PHF21B: variants seen among roughly 807,000 people sequenced by gnomAD.
The protein encoded by PHF21B is PHD finger protein 21B, also known as PHD finger protein 4.
A neutral mutation model predicts 62.2 loss-of-function variants in PHF21B; 22 were observed. The observed-to-expected ratio is 0.35, with a 90% CI of 0.25 to 0.51. The LOEUF (loss-of-function observed/expected upper bound fraction) is 0.51, where lower values mean the gene tolerates loss of function less well. PHF21B is among the 20% of genes least tolerant of loss of function. The pLI, the probability that PHF21B is intolerant of heterozygous loss-of-function variation, is 0.97. For synonymous variants in PHF21B, 341 were observed against 314.7 expected (o/e 1.08, Z -0.88); for missense variants, 701 against 707.9 (o/e 0.99, Z 0.11).
intron 2 of PHF21B, among the ~76,000 whole-genome samples, chr22:44,949,783 A>C (rs2072156489): frequency 6.6e-6 from 1 of 152,232 alleles, no homozygotes; most frequent in Non-Finnish European, 1.5e-5. Context: ...CGTGAGTTAA[A>C]GGCATGCACT....
intron 2 of PHF21B, among the ~76,000 whole-genome samples, chr22:44,944,163 G>T (rs112021664): frequency 2.6e-5 from 4 of 152,346 alleles, no homozygotes; most frequent in African/African-American, 9.6e-5. Flanking sequence ...TGTGCGCCCA[G>T]CATCCAGTGG....
rs1491516812 is a variant in PHF21B, at chr22:44,936,885, TTC to T, written c.121-16397_121-16396del. ...CACTTTCTTTCTTTTTTTTTTTTTT[TTC>T]CTGAGATGGAGTTTCACTCTTATTG... On this transcript the variant is annotated intron_variant, in intron 2 of 12. Coordinates refer to ENST00000313237, the MANE Select transcript of PHF21B (RefSeq NM_138415.5). Among the ~76,000 whole-genome samples, 56 of 149,290 alleles carry T rather than the reference TTC, an allele frequency of 3.8e-4. 1 individual carries two copies. Among genetic ancestry groups the T allele is most frequent in the Middle Eastern group, 3.4e-3 (1 of 294 alleles).
intron 2 of PHF21B, among the ~76,000 whole-genome samples, chr22:44,984,341 CT>C (rs559499853): frequency 2.8e-3 from 430 of 151,664 alleles, no homozygotes; most frequent in Non-Finnish European, 4.6e-3. Context: ...GAAGCATGAC[CT>C]TCACATCTTT....
intron 2 of PHF21B, among the ~76,000 whole-genome samples, chr22:44,924,180 C>T (rs146012581): frequency 0.021 from 3,246 of 152,032 alleles, 53 homozygotes; most frequent in Middle Eastern, 0.051. Context: ...TAAAAAATTA[C>T]TAAACATAAT....
intron 4 of PHF21B, 79 bp downstream of exon 4, chr22:44,916,201 T>C (rs1386489491): frequency 1.5e-6 from 2 of 1,361,694 alleles, no homozygotes; most frequent in Non-Finnish European, 2.0e-6. Flanking sequence ...CTTGTTCATT[T>C]GGCCCTTCCC....
chr22:44,959,003 G>C (rs968686829), intron 2 of PHF21B, among the ~76,000 whole-genome samples: 1 of 151,792 alleles, frequency 6.6e-6, no homozygotes, highest in African/African-American at 2.4e-5. Context: ...TTCCATGGCC[G>C]GCCCCGCTGG....
chr22:45,009,498 G>T lies in PHF21B; in HGVS notation c.52C>A (p.Gln18Lys). Reference sequence around the variant, plus strand: ...GGGCCCGGCCCCCGGCCACCTACCTGGTGGCGCGCGAGTTCCACGGCGAGC... The same window carrying T: ...GGGCCCGGCCCCCGGCCACCTACCTTGTGGCGCGCGAGTTCCACGGCGAGC... ...EALAVELARH[Q>K]NGDLKKQLHE... Residue 18 changes from glutamine (Q) to lysine (K), a missense_variant and splice_region_variant, in exon 1 of 13, where the codon CAG becomes AAG. By Grantham distance (53) the Gln-to-Lys change is moderately conservative. Coordinates refer to ENST00000313237, the MANE Select transcript of PHF21B (RefSeq NM_138415.5). The surrounding 1 kb of genome is among the most constrained non-coding windows in gnomAD (Gnocchi z 5.9). The T allele has an allele frequency of 6.4e-7, 1 of 1,550,902 alleles. No homozygotes were observed. The highest frequency in any genetic ancestry group is 2.4e-5 in the East Asian group (1 of 41,836).
intron 2 of PHF21B, among the ~76,000 whole-genome samples, chr22:44,975,684 C>A (rs565037459): frequency 1.3e-5 from 2 of 152,328 alleles, no homozygotes; most frequent in South Asian, 4.1e-4. Flanking sequence ...GCCAAATCAG[C>A]GAGGGAAGCC....
chr22:44,961,886 AAATAAAT>A (rs2072430467), intron 2 of PHF21B, among the ~76,000 whole-genome samples: 2 of 151,180 alleles, frequency 1.3e-5, no homozygotes, highest in African/African-American at 2.4e-5. Flanking sequence ...ATAAATAAAT[AAATAAAT>A]AAGTATAATG....
chr22:44,976,386 AC>A (rs2147463363), intron 2 of PHF21B, among the ~76,000 whole-genome samples: 1 of 152,272 alleles, frequency 6.6e-6, no homozygotes, highest in East Asian at 1.9e-4. Flanking sequence ...CACAACAGTC[AC>A]CCTGCTGTGC....
chr22:44,981,050 A>T (rs1275740686), intron 2 of PHF21B, among the ~76,000 whole-genome samples: 1 of 152,212 alleles, frequency 6.6e-6, no homozygotes, highest in Non-Finnish European at 1.5e-5. Flanking sequence ...TCTTCTCCGG[A>T]GCTGCTGTCT....
intron 11 of PHF21B, 69 bp from the exon 12 acceptor site, chr22:44,885,598 G>A: frequency 6.9e-7 from 1 of 1,445,582 alleles, no homozygotes; most frequent in Non-Finnish European, 9.4e-7. Flanking sequence ...GAGTAAATGG[G>A]AGAGGCAGAA....
chr22:44,971,185 G>C (rs2072630116), intron 2 of PHF21B: 1 of 152,190 alleles, frequency 6.6e-6, no homozygotes, highest in African/African-American at 2.4e-5. Flanking sequence ...TTCAACCACA[G>C]GGCTCCTCAC....
Position 44,882,396 on chromosome 22 carries a change from G to C in PHF21B, c.*690C>G, listed in dbSNP as rs1368405112. 6.5e-6 allele frequency: 1 copy of C among 152,800 alleles called. No individual in the cohort carries two copies. The highest frequency in any genetic ancestry group is 2.4e-5 in the African/African-American group (1 of 41,456). 9.5% of individuals were successfully genotyped at this position (152,800 alleles called of 1,614,324 possible). ...ACGGAGCAGGAAGGGCACAGGCTCT[G>C]GCGGGGATCACTGCAGCGTCCCGGC... On this transcript the variant is annotated 3_prime_UTR_variant, in exon 13 of 13. Coordinates refer to ENST00000313237, the MANE Select transcript of PHF21B (RefSeq NM_138415.5).
chr22:44,972,450 A>G (rs2072657046), intron 2 of PHF21B, among the ~76,000 whole-genome samples: 1 of 152,196 alleles, frequency 6.6e-6, no homozygotes, highest in Non-Finnish European at 1.5e-5. Flanking sequence ...GCTCAGTGGA[A>G]CGAGGAAGCC....
At chr22:44,978,189 A>T (rs1448914534) in intron 2 of PHF21B, among the ~76,000 whole-genome samples, 7 of 152,042 alleles carry the variant, frequency 4.6e-5, no homozygotes, top group Admixed American at 3.9e-4. Context: ...GGAGATGTAC[A>T]TCTCCCCTCA....
chr22:44,969,537 G>A (rs1003811099), intron 2 of PHF21B, among the ~76,000 whole-genome samples: 6 of 152,140 alleles, frequency 3.9e-5, no homozygotes, highest in African/African-American at 1.4e-4. Context: ...GTGGTGGTGG[G>A]CACCTGTAAT....
intron 2 of PHF21B, among the ~76,000 whole-genome samples, chr22:44,957,932 C>T (rs1316199366): frequency 6.8e-6 from 1 of 147,078 alleles, no homozygotes; most frequent in South Asian, 2.2e-4. Context: ...GATGGAGTTT[C>T]GCTCTTGTTG....
Position 44,920,397 on chromosome 22 carries a change from C to A in PHF21B, c.213+1G>T, listed in dbSNP as rs1238694773. 1 of 1,608,032 alleles carries A rather than the reference C, an allele frequency of 6.2e-7. No homozygotes were observed. The highest frequency in any genetic ancestry group is 2.2e-5 in the East Asian group (1 of 44,654). On this transcript the variant is annotated splice_donor_variant, in intron 3 of 12. Coordinates refer to ENST00000313237, the MANE Select transcript of PHF21B (RefSeq NM_138415.5). LOFTEE classifies it high-confidence loss of function. Reference sequence around the variant, plus strand: ...CCAGGGCCCGCCCGAGGGCTGCTTACCTGAGGTAGCACTGCCGCTCCTTGC... The same window carrying A: ...CCAGGGCCCGCCCGAGGGCTGCTTAACTGAGGTAGCACTGCCGCTCCTTGC...
Sources: gnomAD v4.1 joint callset for allele counts (sites outside exome capture counted in the v4.1 genomes callset) on GRCh38, gnomAD v4.1.1 for gene constraint, Gnocchi (gnomAD v3.1) non-coding constraint, MANE v1.5 for transcripts, NCBI Gene and HGNC (gene_info 2026-07-23, HGNC 2026-07-21) for gene names.